Variants in KAT8 observed in about 807,000 individuals in gnomAD.
KAT8 encodes histone acetyltransferase KAT8.
KAT8 carries 40 observed loss-of-function variants against 62.9 expected under a neutral mutation model. The ratio of observed to expected loss-of-function variants is 0.64; its 90% CI spans 0.49 to 0.83. The LOEUF (loss-of-function observed/expected upper bound fraction) is 0.83, where lower values mean the gene tolerates loss of function less well. Ranked by LOEUF, KAT8 falls within the 40% of genes least tolerant of loss-of-function variation. The probability of loss-of-function intolerance (pLI) is 0.00; values close to 1 mark genes in which losing one functional copy is unlikely to be tolerated. For synonymous variants in KAT8, 278 were observed against 254.5 expected (o/e 1.09, Z -0.88); for missense variants, 387 against 614.8 (o/e 0.63, Z 3.92).
chr16:31,117,668 C>T lies in KAT8; in HGVS notation c.-14C>T. ...TGCGTGGCGTCCGATTCTGGCGTCA[C>T]TTCCCTTCCCGCGATGGCGGCACAG... On this transcript the variant is annotated 5_prime_UTR_variant, in exon 1 of 11. Coordinates refer to ENST00000219797, the MANE Select transcript of KAT8 (RefSeq NM_032188.3). 1.4e-6 allele frequency: 2 copies of T among 1,386,004 alleles called. No individual in the cohort carries two copies. Among genetic ancestry groups the T allele is most frequent in the Non-Finnish European group, 9.4e-7 (1 of 1,065,738 alleles). The allele number at this position is 1,386,004 out of a possible 1,614,324, so 85.9% of individuals were successfully genotyped here.
At chr16:31,128,272 G>A (rs1261957991) in intron 6 of KAT8, 133 bp downstream of exon 6, 11 of 693,838 alleles carry the variant, frequency 1.6e-5, no homozygotes, top group Middle Eastern at 3.5e-4. Context: ...GAGGGGCCGG[G>A]CACTGCAGCT....
chr16:31,131,218 G>A lies in KAT8; in HGVS notation c.1336G>A (p.Ala446Thr). The change falls in exon 11 of 11, where the codon GCA becomes ACA. Residue 446 changes from alanine (A) to threonine (T), a missense_variant. Around this residue, in one of 6 missense-constraint regions of KAT8, gnomAD observed 75 missense variants for 105.7 expected, o/e 0.71. Transcript: ENST00000219797. ...AGTGGACTCCGTCTGCCTCAAGTGG[G>A]CACCCCCCAAGCACAAGCAAGTCAA... ...ITVDSVCLKW[A>T]PPKHKQVKLS... The A allele has an allele frequency of 6.2e-7, 1 of 1,614,130 alleles. No homozygotes were observed. The highest frequency in any genetic ancestry group is 8.5e-7 in the Non-Finnish European group (1 of 1,179,978).
intron 1 of KAT8, 32 bp from the exon 2 acceptor site, chr16:31,120,154 T>G: frequency 6.3e-7 from 1 of 1,596,552 alleles, no homozygotes; most frequent in Non-Finnish European, 8.6e-7. Flanking sequence ...CAGCCTTACC[T>G]TCCTGATGAC....
intron 5 of KAT8, 33 bp from the exon 6 acceptor site, chr16:31,128,017 G>T: frequency 6.5e-7 from 1 of 1,545,178 alleles, no homozygotes; most frequent in South Asian, 1.1e-5. Context: ...GAGAACATAT[G>T]GGCAGCGAAC....
At chr16:31,125,557 T>C (rs961997742) in intron 3 of KAT8, 2 of 129,094 alleles carry the variant, frequency 1.5e-5, no homozygotes, top group Non-Finnish European at 3.0e-5. Flanking sequence ...TGAGCCGAGA[T>C]GGTGCCACTG....
At chr16:31,128,351 C>A (rs1359850340) in intron 6 of KAT8, among the ~76,000 whole-genome samples, 1 of 152,140 alleles carries the variant, frequency 6.6e-6, no homozygotes, top group Non-Finnish European at 1.5e-5. Flanking sequence ...AGTTTGAGAG[C>A]AGCCTGGGTA....
intron 3 of KAT8, chr16:31,122,166 AG>A (rs1692816157): frequency 6.6e-6 from 1 of 152,252 alleles, no homozygotes; most frequent in Non-Finnish European, 1.5e-5. Flanking sequence ...CATCCTTCTG[AG>A]TACATGAGTT....
intron 1 of KAT8, chr16:31,118,122 C>T (rs1414442063): frequency 7.5e-6 from 3 of 398,282 alleles, no homozygotes; most frequent in African/African-American, 4.1e-5. Flanking sequence ...ACCCACCGCT[C>T]AGGCCTTCAC....
At chr16:31,121,085 T>TGTGTGTGTGTGTG (rs1555503456) in intron 3 of KAT8, 1 of 142,992 alleles carries the variant, frequency 7.0e-6, no homozygotes, top group African/African-American at 2.6e-5. Context: ...TAAATGGTTT[T>TGTGTGTGTGTGTG]TGTGTGTGTG....
At chr16:31,118,089 A>G (rs2057463477) in intron 1 of KAT8, 197 bp downstream of exon 1, 1 of 425,174 alleles carries the variant, frequency 2.4e-6, no homozygotes, top group Non-Finnish European at 4.1e-6. Context: ...TTGACCTTGA[A>G]TTATGCCGAG....
intron 3 of KAT8, among the ~76,000 whole-genome samples, chr16:31,121,763 T>C (rs1311660429): frequency 6.6e-6 from 1 of 152,088 alleles, no homozygotes; most frequent in African/African-American, 2.4e-5. Context: ...TTGTTATTTT[T>C]TTTTTTTGAG....
intron 4 of KAT8, 34 bp from the exon 5 acceptor site, chr16:31,127,155 C>A (rs755051379): frequency 1.2e-6 from 2 of 1,609,476 alleles, no homozygotes; most frequent in African/African-American, 2.7e-5. Flanking sequence ...CCTGCTGAGC[C>A]GTGCACTGTG....
At position 31,130,097 on chromosome 16, in the gene KAT8, C is replaced by G; in HGVS notation, c.852C>G (p.Val284=). The G allele has an allele frequency of 3.2e-6, 5 of 1,565,936 alleles. No homozygotes were observed. Among genetic ancestry groups the G allele is most frequent in the Non-Finnish European group, 4.3e-6 (5 of 1,155,652 alleles). The change falls in exon 7 of 11, where the codon GTC becomes GTG. Residue 284 remains valine, a synonymous_variant. Coordinates refer to ENST00000219797, the MANE Select transcript of KAT8 (RefSeq NM_032188.3). The stretch of plus-strand genomic sequence containing the variant: ...TGTACTTTGACGTGGAGCCGTTCGT[C>G]TTTTACATCCTGACTGAGGTGGACC... ...KTLYFDVEPF[V]FYILTEVDRQ...
intron 3 of KAT8, chr16:31,126,316 G>C (rs1225749868): frequency 6.6e-6 from 1 of 152,378 alleles, no homozygotes; most frequent in African/African-American, 2.4e-5. Context: ...CTGAGATGGG[G>C]CCATGACTAC....
At chr16:31,130,984 G>T in intron 10 of KAT8, 84 bp downstream of exon 10, 1 of 1,546,522 alleles carries the variant, frequency 6.5e-7, no homozygotes. Flanking sequence ...CCTTATTGCT[G>T]TCACATGATC....
chr16:31,130,424 G>A (rs377023091), intron 8 of KAT8, 32 bp from the exon 9 acceptor site: 41 of 1,613,988 alleles, frequency 2.5e-5, no homozygotes, highest in Middle Eastern at 1.6e-4. Flanking sequence ...AGGGCAGGCT[G>A]GATCCTAAGT....
At chr16:31,128,260 C>CT (rs971681036) in intron 6 of KAT8, 121 bp downstream of exon 6, 2 of 762,006 alleles carry the variant, frequency 2.6e-6, no homozygotes, top group African/African-American at 3.5e-5. Context: ...CAGAATGCCT[C>CT]TGAGGGGCCG....
chr16:31,119,456 A>G (rs1204223960), intron 1 of KAT8, among the ~76,000 whole-genome samples: 1 of 152,082 alleles, frequency 6.6e-6, no homozygotes, highest in Non-Finnish European at 1.5e-5. Flanking sequence ...CCCTGGAATT[A>G]TACATTAATG....
intron 3 of KAT8, among the ~76,000 whole-genome samples, chr16:31,123,191 AAATT>A (rs758006607): frequency 3.9e-5 from 6 of 152,144 alleles, no homozygotes; most frequent in East Asian, 1.9e-4. Context: ...TCTCAAAAAA[AAATT>A]AATTATCATT....
Sources: gnomAD v4.1 joint callset for allele counts (sites outside exome capture counted in the v4.1 genomes callset) on GRCh38, gnomAD v4.1.1 for gene constraint, gnomAD v4.1.1 regional missense constraint, MANE v1.5 for transcripts, NCBI Gene and HGNC (gene_info 2026-07-23, HGNC 2026-07-21) for gene names.